NCOA7: variants seen among roughly 807,000 people sequenced by gnomAD.
The protein encoded by NCOA7 is nuclear receptor coactivator 7, also known as 140 kDa estrogen receptor-associated protein.
NCOA7 carries 45 observed loss-of-function variants against 104.3 expected under a neutral mutation model. The ratio of observed to expected loss-of-function variants is 0.43; its 90% confidence interval spans 0.34 to 0.55. The LOEUF is 0.55. NCOA7 is among the 20% of genes least tolerant of loss of function. NCOA7 has a pLI of 0.02. For synonymous variants in NCOA7, 398 were observed against 402.3 expected (o/e 0.99, Z 0.13); for missense variants, 1,041 against 1,119.7 (o/e 0.93, Z 1.00).
rs1294769945 is a variant in NCOA7 at position 125,815,285 on chromosome 6, T to G, written c.-64-6T>G. ...TTTACAGTTGCTTTGTTATCTTTTC[T>G]TACAGGGTTACGACTCACTGATTAA... On this transcript the variant is annotated splice_polypyrimidine_tract_variant and splice_region_variant and intron_variant, in intron 1 of 15. Coordinates refer to ENST00000392477, the MANE Select transcript of NCOA7 (RefSeq NM_181782.5). The G allele has an allele frequency of 1.3e-5, 15 of 1,180,008 alleles. No individual in the cohort carries two copies. The highest frequency in any genetic ancestry group is 2.0e-4 in the Middle Eastern group (1 of 5,092). 73.1% of individuals were successfully genotyped at this position (1,180,008 alleles called of 1,614,324 possible).
chr6:125,790,385 T>A (rs879898199), upstream of NCOA7, among the ~76,000 whole-genome samples: 2 of 152,282 alleles, frequency 1.3e-5, no homozygotes, highest in South Asian at 4.1e-4. Flanking sequence ...AGGACCCTCC[T>A]AGGTGCCGCT....
chr6:125,890,538 G>A, intron 9 of NCOA7, 104 bp from the exon 10 acceptor site: 1 of 1,147,226 alleles, frequency 8.7e-7, no homozygotes, highest in Non-Finnish European at 1.2e-6. Context: ...TTTCTGCAAT[G>A]TTTTGACTAA....
intron 8 of NCOA7, 69 bp from the exon 9 acceptor site, chr6:125,888,870 C>T (rs1474523140): frequency 8.0e-6 from 10 of 1,246,988 alleles, no homozygotes; most frequent in African/African-American, 7.6e-5. Context: ...TGTTTTTTGC[C>T]TTTCCTCCAT....
rs1788455814 is a variant in NCOA7, at chr6:125,931,335, A to G, written c.*2564A>G. On this transcript the variant is annotated 3_prime_UTR_variant, in exon 16 of 16. Coordinates refer to ENST00000392477, the MANE Select transcript of NCOA7 (RefSeq NM_181782.5). ...GTTACCAGAGACAACTCTTGGCTGT[A>G]TCTACCAGTCTCTTCTAATCTTTCT... The G allele has an allele frequency of 6.6e-6, 1 of 152,190 alleles. No homozygotes were observed. The highest frequency in any genetic ancestry group is 1.5e-5 in the Non-Finnish European group (1 of 68,034). 9.4% of individuals were successfully genotyped at this position (152,190 alleles called of 1,614,324 possible).
chr6:125,902,151 C>T (rs1639717276), intron 10 of NCOA7, among the ~76,000 whole-genome samples: 1 of 152,148 alleles, frequency 6.6e-6, no homozygotes, highest in African/African-American at 2.4e-5. Flanking sequence ...TTTAGGGCCA[C>T]AGGTCCAGGC....
chr6:125,867,425 T>C (rs965675029), intron 3 of NCOA7, among the ~76,000 whole-genome samples: 1 of 152,254 alleles, frequency 6.6e-6, no homozygotes, highest in African/African-American at 2.4e-5. Context: ...TGGTTTCTGA[T>C]ATAAGAGCTC....
intron 12 of NCOA7, among the ~76,000 whole-genome samples, chr6:125,921,510 G>T (rs992561891): frequency 6.6e-6 from 1 of 152,248 alleles, no homozygotes; most frequent in Admixed American, 6.5e-5. Context: ...GCCCACTAAG[G>T]CCAGTGCCCC....
intron 2 of NCOA7, among the ~76,000 whole-genome samples, chr6:125,843,997 A>G (rs1425720703): frequency 6.6e-6 from 1 of 152,214 alleles, no homozygotes. Context: ...GTCCCACCCC[A>G]AGGCTTCTCT....
intron 2 of NCOA7, among the ~76,000 whole-genome samples, chr6:125,833,844 C>T (rs901726804): frequency 2.0e-5 from 3 of 152,106 alleles, no homozygotes; most frequent in Non-Finnish European, 4.4e-5. Context: ...TCAGTTTTGC[C>T]CCTAACTTCT....
At chr6:125,881,254 A>G in intron 6 of NCOA7, 51 bp downstream of exon 6, 1 of 1,266,694 alleles carries the variant, frequency 7.9e-7, no homozygotes, top group Non-Finnish European at 1.2e-6. Flanking sequence ...ACTTCTTTTA[A>G]GTTGTAGAAT....
intron 1 of NCOA7, among the ~76,000 whole-genome samples, chr6:125,794,497 A>G (rs1422964287): frequency 6.6e-6 from 1 of 152,190 alleles, no homozygotes; most frequent in Non-Finnish European, 1.5e-5. Flanking sequence ...TTATCTAATT[A>G]TACTTTTCCA....
In NCOA7 at chr6:125,861,308, CAT is replaced by C. The variant is rs377486937; in HGVS notation, c.271+6069_271+6070del. On this transcript the variant is annotated intron_variant, in intron 3 of 15. Coordinates refer to ENST00000392477, the MANE Select transcript of NCOA7 (RefSeq NM_181782.5). ...CTTAATGTTTTTTTTCCTAACTACA[CAT>C]GTGAAGATTTCATGTCCATCATTTG... Among the ~76,000 whole-genome samples the C allele has an allele frequency of 5.3e-3, 803 of 152,172 alleles. 7 individuals carry two copies. The highest frequency in any genetic ancestry group is 0.019 in the African/African-American group (773 of 41,520).
At chr6:125,911,446 G>A (rs1001961427) in intron 10 of NCOA7, among the ~76,000 whole-genome samples, 1 of 152,146 alleles carries the variant, frequency 6.6e-6, no homozygotes, top group Non-Finnish European at 1.5e-5. Flanking sequence ...ATTGAGCAAG[G>A]CACTTGCAGG....
At chr6:125,839,622 G>A (rs1334046102) in intron 2 of NCOA7, among the ~76,000 whole-genome samples, 1 of 152,020 alleles carries the variant, frequency 6.6e-6, no homozygotes, top group African/African-American at 2.4e-5. Flanking sequence ...TATCACTCAC[G>A]AGATTCCAGT....
chr6:125,785,301 G>A (rs978599203), intron 1 of NCOA7, among the ~76,000 whole-genome samples: 1 of 152,166 alleles, frequency 6.6e-6, no homozygotes, highest in Non-Finnish European at 1.5e-5. Flanking sequence ...CGGTGCCACT[G>A]CGCTCCAGCC....
At chr6:125,893,405 A>T (rs1343868256) in intron 10 of NCOA7, among the ~76,000 whole-genome samples, 4 of 152,238 alleles carry the variant, frequency 2.6e-5, no homozygotes, top group African/African-American at 9.6e-5. Context: ...AACTTCACAA[A>T]CATATGTTTC....
In NCOA7 at chr6:125,881,099, G is replaced by T. The variant is rs774250411; in HGVS notation, c.469G>T (p.Val157Leu). 6.2e-7 allele frequency: 1 copy of T among 1,613,316 alleles called. No individual in the cohort carries two copies. Among genetic ancestry groups the T allele is most frequent in the African/African-American group, 1.3e-5 (1 of 74,860 alleles). The change falls in exon 6 of 16, where the codon GTG (valine) becomes TTG (leucine). Residue 157 changes from valine to leucine, a missense_variant. Physicochemically the swap from Val to Leu is conservative, Grantham distance 32. Around this residue, in one of 2 missense-constraint regions of NCOA7, gnomAD observed 914 missense variants for 942.7 expected, o/e 0.97. Coordinates refer to ENST00000392477, the MANE Select transcript of NCOA7 (RefSeq NM_181782.5). ...TCTCTCCCATTCTCAGGTCCTTTTT[G>T]TGCCAGATGCCAACTCTCCTTCCAG... Reference protein sequence around the residue: ...HTIVPGQVLFVPDANSPSSTL... With the variant: ...HTIVPGQVLFLPDANSPSSTL...
chr6:125,909,803 G>C (rs1052042130), intron 10 of NCOA7, among the ~76,000 whole-genome samples: 1 of 151,924 alleles, frequency 6.6e-6, no homozygotes, highest in African/African-American at 2.4e-5. Context: ...GAGTGAGACC[G>C]TGTCTCAGAA....
At chr6:125,915,232 T>A (rs1786952259) in intron 10 of NCOA7, 101 bp from the exon 11 acceptor site, 1 of 1,407,788 alleles carries the variant, frequency 7.1e-7, no homozygotes, top group African/African-American at 1.4e-5. Flanking sequence ...TAAAATGGAT[T>A]TGCCAAGCAG....
Sources: allele counts gnomAD v4.1 joint callset (sites outside exome capture counted in the v4.1 genomes callset), GRCh38; gene constraint gnomAD v4.1.1; regional missense constraint gnomAD v4.1.1; transcripts MANE v1.5; gene names NCBI Gene and HGNC (gene_info 2026-07-23, HGNC 2026-07-21).